Variants in IL18R1 observed in about 807,000 individuals in gnomAD.
IL18R1 encodes the protein interleukin-18 receptor 1.
IL18R1 carries 40 observed loss-of-function variants against 48.5 expected under a neutral mutation model. That is an observed-to-expected ratio of 0.82 (90% CI 0.64 to 1.07). IL18R1 has a LOEUF of 1.07. Ranked by LOEUF, IL18R1 falls within the 50% of genes least tolerant of loss-of-function variation. IL18R1 has a pLI of 0.00. For synonymous variants in IL18R1, 232 were observed against 225.9 expected (o/e 1.03, Z -0.24); for missense variants, 596 against 633.7 (o/e 0.94, Z 0.64).
intron 9 of IL18R1, among the ~76,000 whole-genome samples, chr2:102,392,711 T>A (rs185445491): frequency 7.2e-5 from 11 of 152,324 alleles, no homozygotes; most frequent in African/African-American, 2.6e-4. Context: ...AAATTTAAAT[T>A]AAAACATGGT....
intron 5 of IL18R1, among the ~76,000 whole-genome samples, chr2:102,381,324 G>A (rs957418738): frequency 1.3e-5 from 2 of 152,214 alleles, no homozygotes; most frequent in Non-Finnish European, 2.9e-5. Context: ...CAGTGATTTT[G>A]CATGGTTTGA....
intron 4 of IL18R1, among the ~76,000 whole-genome samples, chr2:102,372,878 A>T (rs911573115): frequency 6.6e-6 from 1 of 152,280 alleles, no homozygotes; most frequent in Middle Eastern, 3.4e-3. Flanking sequence ...TGTTTATATG[A>T]TTTGTCCTTC....
At chr2:102,369,127 C>T (rs763938017) in intron 3 of IL18R1, among the ~76,000 whole-genome samples, 6 of 152,094 alleles carry the variant, frequency 3.9e-5, no homozygotes, top group Non-Finnish European at 7.4e-5. Context: ...TTTTTCATAA[C>T]AAGCTAAGGA....
chr2:102,397,152 C>T lies in IL18R1; in HGVS notation c.*266C>T. 1 of 378,550 alleles carries T rather than the reference C, an allele frequency of 2.6e-6. No individual in the cohort carries two copies. The highest frequency in any genetic ancestry group is 2.1e-5 in the African/African-American group (1 of 47,932). 23.4% of individuals were successfully genotyped at this position (378,550 alleles called of 1,614,324 possible). ...CCTCTTTCATAACTGGATGCAGCTG[C>T]TCATACTCAATCCCATATTCAGCAA... On this transcript the variant is annotated 3_prime_UTR_variant, in exon 11 of 11. Coordinates refer to ENST00000233957, the MANE Select transcript of IL18R1 (RefSeq NM_003855.5).
At chr2:102,369,683 G>C (rs1679136657) in intron 3 of IL18R1, among the ~76,000 whole-genome samples, 1 of 152,226 alleles carries the variant, frequency 6.6e-6, no homozygotes, top group Admixed American at 6.5e-5. Context: ...ACACATATGT[G>C]TTCTAACTTA....
intron 2 of IL18R1, among the ~76,000 whole-genome samples, chr2:102,365,110 A>C (rs1283335106): frequency 6.6e-6 from 1 of 152,152 alleles, no homozygotes; most frequent in East Asian, 1.9e-4. Flanking sequence ...TGCCCTTCTA[A>C]CAGTCCCCCA....
intron 1 of IL18R1, among the ~76,000 whole-genome samples, chr2:102,357,150 G>T (rs1364798445): frequency 6.6e-6 from 1 of 152,116 alleles, no homozygotes; most frequent in African/African-American, 2.4e-5. Context: ...TGGGGACAGT[G>T]TTTTCCCTCT....
chr2:102,374,773 G>A (rs867626973), intron 4 of IL18R1, among the ~76,000 whole-genome samples: 46 of 139,736 alleles, frequency 3.3e-4, no homozygotes, highest in African/African-American at 1.1e-3. Flanking sequence ...GCGATACTCC[G>A]TCTCAAAAAA....
chr2:102,364,374 G>A (rs1053597784), intron 2 of IL18R1, among the ~76,000 whole-genome samples: 11 of 152,188 alleles, frequency 7.2e-5, no homozygotes, highest in Non-Finnish European at 1.3e-4. Flanking sequence ...CACTGCTACA[G>A]CATGAATGCA....
At chr2:102,382,591 G>A (rs948026597) in intron 6 of IL18R1, among the ~76,000 whole-genome samples, 6 of 152,208 alleles carry the variant, frequency 3.9e-5, no homozygotes, top group African/African-American at 1.4e-4. Context: ...ACTGAGGCAT[G>A]TATTCTCATT....
At chr2:102,388,729 T>C (rs1008972950) in intron 8 of IL18R1, among the ~76,000 whole-genome samples, 1 of 152,198 alleles carries the variant, frequency 6.6e-6, no homozygotes, top group African/African-American at 2.4e-5. Context: ...TTTGCAAATG[T>C]GTGACACAGT....
intron 5 of IL18R1, 22 bp from the exon 6 acceptor site, chr2:102,381,598 T>C (rs1218817181): frequency 6.3e-7 from 1 of 1,587,560 alleles, no homozygotes; most frequent in Admixed American, 1.7e-5. Context: ...AATACATTTG[T>C]CTTTTCTTTT....
At chr2:102,369,883 C>T (rs1679150582) in intron 3 of IL18R1, among the ~76,000 whole-genome samples, 1 of 152,072 alleles carries the variant, frequency 6.6e-6, no homozygotes, top group African/African-American at 2.4e-5. Context: ...AGAACGAAAT[C>T]AACTAAGAAG....
At chr2:102,394,714 T>C in intron 10 of IL18R1, 87 bp downstream of exon 10, 2 of 1,208,582 alleles carry the variant, frequency 1.7e-6, no homozygotes, top group Non-Finnish European at 2.3e-6. Context: ...CTATCCCATT[T>C]TCCTTAAAAA....
rs1680860767 is a variant in IL18R1 at position 102,396,973 on chromosome 2, G to C, written c.*87G>C. Reference sequence around the variant, plus strand: ...CTGTTCATAACAAAGGCTGTGACTCGAAATAATTAACTTTGTCAAAATCCT... The same window carrying C: ...CTGTTCATAACAAAGGCTGTGACTCCAAATAATTAACTTTGTCAAAATCCT... On this transcript the variant is annotated 3_prime_UTR_variant, in exon 11 of 11. Transcript: ENST00000233957. 1 of 762,694 alleles carries C rather than the reference G, an allele frequency of 1.3e-6. No homozygotes were observed. 47.2% of individuals were successfully genotyped at this position (762,694 alleles called of 1,614,324 possible).
At chr2:102,367,789 T>C in intron 2 of IL18R1, 36 bp from the exon 3 acceptor site, 1 of 1,570,702 alleles carries the variant, frequency 6.4e-7, no homozygotes, top group Admixed American at 1.8e-5. Context: ...TTTTGGTTTT[T>C]GTTTTTATTT....
intron 2 of IL18R1, among the ~76,000 whole-genome samples, chr2:102,363,883 G>T (rs1015607182): frequency 1.3e-5 from 2 of 152,228 alleles, no homozygotes; most frequent in African/African-American, 4.8e-5. Flanking sequence ...TGTTGGCACT[G>T]CTGGGTTCTT....
intron 2 of IL18R1, among the ~76,000 whole-genome samples, chr2:102,363,253 A>C (rs1678691089): frequency 6.6e-6 from 1 of 151,610 alleles, no homozygotes; most frequent in Admixed American, 6.6e-5. Context: ...GCGTTCCATG[A>C]TTGAATAGCA....
intron 3 of IL18R1, among the ~76,000 whole-genome samples, chr2:102,369,186 GC>G (rs3836110): frequency 0.77 from 117,392 of 151,850 alleles, 46,310 homozygotes; most frequent in African/African-American, 0.89. Context: ...AACAAACACC[GC>G]CCCCCCCACC....
Sources: gnomAD v4.1 joint callset for allele counts (sites outside exome capture counted in the v4.1 genomes callset) on GRCh38, gnomAD v4.1.1 for gene constraint, MANE v1.5 for transcripts, NCBI Gene and HGNC (gene_info 2026-07-23, HGNC 2026-07-21) for gene names.